WAPL: variants seen among roughly 807,000 people sequenced by gnomAD.
The protein encoded by WAPL is WAPL cohesin release factor.
WAPL carries 5 observed loss-of-function variants against 121.0 expected under a neutral mutation model. That is an observed-to-expected ratio of 0.04 (90% confidence interval 0.02 to 0.09). The LOEUF (loss-of-function observed/expected upper bound fraction) is 0.09. Ranked by LOEUF, WAPL falls within the 10% of genes least tolerant of loss-of-function variation. WAPL has a pLI of 1.00. For synonymous variants in WAPL, 480 were observed against 481.5 expected (o/e 1.00, Z 0.04); for missense variants, 999 against 1,410.8 (o/e 0.71, Z 4.68).
rs921027382 is a variant in WAPL, at chr10:86,459,127, C to T, written c.2581-62G>A. The T allele has an allele frequency of 7.8e-6, 10 of 1,290,252 alleles. No homozygotes were observed. The African/African-American group carries it at 1.2e-4, about 15-fold the overall frequency. The allele number at this position is 1,290,252 out of a possible 1,614,324, so 79.9% of individuals were successfully genotyped here. On this transcript the variant is annotated intron_variant, in intron 11 of 18. Transcript: ENST00000298767. ...AAAACTTTCATTCATTCATGTAACACCACATTCTGCCTGGTGCGTAAAAGA... is the reference window on the plus strand; with the variant it reads ...AAAACTTTCATTCATTCATGTAACATCACATTCTGCCTGGTGCGTAAAAGA...
At chr10:86,501,017 TC>T (rs1842237431) in intron 2 of WAPL, among the ~76,000 whole-genome samples, 1 of 152,176 alleles carries the variant, frequency 6.6e-6, no homozygotes. Context: ...AGCAACTGAA[TC>T]CATTCAGAAT....
Position 86,468,903 on chromosome 10 carries a change from C to T in WAPL, c.2143-1397G>A, listed in dbSNP as rs112599252. 1.6e-3 allele frequency among the ~76,000 whole-genome samples: 239 copies of T among 152,010 alleles called. 1 individual carries two copies. Among genetic ancestry groups the T allele is most frequent in the African/African-American group, 5.5e-3 (227 of 41,460 alleles). On this transcript the variant is annotated intron_variant, in intron 8 of 18. Transcript: ENST00000298767. ...ATCACCTAAGGTCGGGAGTTTGAGA[C>T]CAGCCTGGCCAACATGATGAAACCC...
At chr10:86,507,824 C>G (rs935483711) in intron 2 of WAPL, among the ~76,000 whole-genome samples, 1 of 151,858 alleles carries the variant, frequency 6.6e-6, no homozygotes, top group Non-Finnish European at 1.5e-5. Context: ...TAACCCCTTT[C>G]TCCCCTTTCT....
At position 86,500,399 on chromosome 10, in the gene WAPL, C is replaced by T. The variant is rs754963282; in HGVS notation, c.844G>A (p.Asp282Asn). 3.7e-6 allele frequency: 6 copies of T among 1,614,098 alleles called. No individual in the cohort carries two copies. Among genetic ancestry groups the T allele is most frequent in the Admixed American group, 1.7e-5 (1 of 60,002 alleles). ...LENLNEAIEEDIVQSVLRPTN... is the reference protein window; with the variant it reads ...LENLNEAIEENIVQSVLRPTN... ...GGCCTAAGAACACTTTGTACAATATCTTCCTCAATGGCTTCATTCAGATTT... is the reference window on the plus strand; with the variant it reads ...GGCCTAAGAACACTTTGTACAATATTTTCCTCAATGGCTTCATTCAGATTT... Residue 282 changes from aspartate (D) to asparagine (N), a missense_variant, in exon 3 of 19, where the codon GAT becomes AAT. Asp to Asn is a conservative substitution (Grantham distance 23). Coordinates refer to ENST00000298767, the MANE Select transcript of WAPL (RefSeq NM_015045.5).
At position 86,446,449 on chromosome 10, in the gene WAPL, G is replaced by A. The variant is rs372659135; in HGVS notation, c.3115C>T (p.Leu1039=). The A allele has an allele frequency of 2.5e-6, 4 of 1,612,792 alleles. No individual in the cohort carries two copies. The African/African-American group carries it at 4.0e-5, about 16-fold the overall frequency. ...GCTGCCCGCTCTCGCTCAAGGAATA[G>A]CTGATAAAAATTATTTTTGAAGATC... ...QVHAVQALVQ[L]FLERERAAQL... Residue 1039 remains leucine, a splice_region_variant and synonymous_variant, in exon 16 of 19, where the codon CTA becomes TTA. Transcript: ENST00000298767.
At position 86,472,361 on chromosome 10, in the gene WAPL, A is replaced by G; in HGVS notation, c.1894-17T>C. ...AGTATATAACTGCCAAGAAAAAAAA[A>G]GTTCACCCCTTTTTAACTAGGAACT... On this transcript the variant is annotated splice_polypyrimidine_tract_variant and intron_variant, in intron 6 of 18. Transcript: ENST00000298767. The surrounding 1 kb of genome is among the most constrained non-coding windows in gnomAD (Gnocchi z 4.2). 2.5e-6 allele frequency: 4 copies of G among 1,587,608 alleles called. No individual in the cohort carries two copies. The highest frequency in any genetic ancestry group is 8.5e-7 in the Non-Finnish European group (1 of 1,174,186).
intron 12 of WAPL, among the ~76,000 whole-genome samples, chr10:86,456,633 CA>C (rs1227791513): frequency 6.6e-6 from 1 of 152,170 alleles, no homozygotes; most frequent in East Asian, 1.9e-4. Context: ...CCCTTTAAAA[CA>C]TACTGAGGAA....
chr10:86,509,818 G>A (rs961211961), intron 2 of WAPL, among the ~76,000 whole-genome samples: 6 of 149,354 alleles, frequency 4.0e-5, no homozygotes, highest in African/African-American at 1.5e-4. Flanking sequence ...AGGCTGGAGT[G>A]CAATGGCATG....
At position 86,517,751 on chromosome 10, in the gene WAPL, C is replaced by T. The variant is rs754936161; in HGVS notation, c.319G>A (p.Glu107Lys). The change falls in exon 2 of 19, where the codon GAA (glutamate) becomes AAA (lysine). Residue 107 changes from glutamate to lysine, a missense_variant. Around this residue, in one of 7 missense-constraint regions of WAPL, gnomAD observed 531 missense variants for 563.1 expected, o/e 0.94. Transcript: ENST00000298767. ...GCTTCAAGTACTGAAGTGACCTCTT[C>T]CAACTGAGCAGCTTCACTAGATTCT... ...YSESSEAAQL[E>K]EVTSVLEANS... 3.4e-5 allele frequency: 55 copies of T among 1,614,050 alleles called. 2 individuals are homozygous for T. The South Asian group carries it at 4.6e-4, about 14-fold the overall frequency.
rs142195659 is a variant in WAPL at position 86,443,350 on chromosome 10, G to A, written c.3336C>T (p.Ala1112=). 5.0e-5 allele frequency: 80 copies of A among 1,613,832 alleles called. No homozygotes were observed. The highest frequency in any genetic ancestry group is 1.8e-4 in the Admixed American group (11 of 59,996). ...CAATGCAATCCTCCATGTGTTTGCC[G>A]GCATGCTGAAGGGCTGAGAGAATTG... ...ELDLNKALQH[A]GKHMEDCIVA... Residue 1112 remains alanine (A), a synonymous_variant, in exon 17 of 19, where the codon GCC becomes GCT. Coordinates refer to ENST00000298767, the MANE Select transcript of WAPL (RefSeq NM_015045.5).
At chr10:86,502,975 T>C (rs1022615210) in intron 2 of WAPL, among the ~76,000 whole-genome samples, 1 of 151,630 alleles carries the variant, frequency 6.6e-6, no homozygotes, top group Non-Finnish European at 1.5e-5. Flanking sequence ...CTGGCCAACA[T>C]GGTGAAACCC....
intron 2 of WAPL, among the ~76,000 whole-genome samples, chr10:86,511,782 T>C (rs566111954): frequency 6.6e-6 from 1 of 151,956 alleles, no homozygotes; most frequent in South Asian, 2.1e-4. Flanking sequence ...AATATAGAAA[T>C]TAGCCCAGTG....
intron 12 of WAPL, 40 bp downstream of exon 12, chr10:86,458,945 ATAAG>A: frequency 2.7e-6 from 4 of 1,486,658 alleles, no homozygotes; most frequent in Non-Finnish European, 3.7e-6. Context: ...AATGTTTAAA[ATAAG>A]TAACAATGTT....
In WAPL at chr10:86,472,601, T is replaced by C; in HGVS notation, c.1893+11A>G. ...ATCAACATGCAGTAAACACTGTATA[T>C]GGCTGCTTACTTCTTTGTCTTCTCG... is the stretch of plus-strand genomic sequence containing the variant. On this transcript the variant is annotated intron_variant, in intron 6 of 18. Coordinates refer to ENST00000298767, the MANE Select transcript of WAPL (RefSeq NM_015045.5). This position sits in a 1 kb window ranked among gnomAD's most constrained non-coding sequence, Gnocchi z 4.2. 3.7e-6 allele frequency: 6 copies of C among 1,612,888 alleles called. No homozygotes were observed. The highest frequency in any genetic ancestry group is 5.1e-6 in the Non-Finnish European group (6 of 1,179,642).
chr10:86,440,709 C>CA (rs2132162658), intron 17 of WAPL, among the ~76,000 whole-genome samples: 1 of 152,036 alleles, frequency 6.6e-6, no homozygotes, highest in African/African-American at 2.4e-5. Flanking sequence ...ATATAAAGAT[C>CA]TTGCGGGGCC....
At chr10:86,458,027 T>G (rs1040256320) in intron 12 of WAPL, among the ~76,000 whole-genome samples, 1 of 152,222 alleles carries the variant, frequency 6.6e-6, no homozygotes, top group Non-Finnish European at 1.5e-5. Context: ...TATTTATATT[T>G]GAATTCCTCC....
intron 1 of WAPL, among the ~76,000 whole-genome samples, chr10:86,519,874 T>C (rs1460817709): frequency 6.6e-6 from 1 of 152,234 alleles, no homozygotes; most frequent in Non-Finnish European, 1.5e-5. Flanking sequence ...AGACTTGAGT[T>C]CCTTTATGCC....
chr10:86,454,532 C>G (rs1056429770), intron 12 of WAPL, among the ~76,000 whole-genome samples: 3 of 152,232 alleles, frequency 2.0e-5, no homozygotes, highest in Non-Finnish European at 4.4e-5. Flanking sequence ...CGGGCGCCGC[C>G]ACACCTGACT....
chr10:86,440,856 A>G (rs1255461188), intron 17 of WAPL, among the ~76,000 whole-genome samples: 2 of 146,090 alleles, frequency 1.4e-5, no homozygotes, highest in Admixed American at 6.9e-5. Flanking sequence ...ATTCAGAAAA[A>G]CACACAGGAC....
Sources: gnomAD v4.1 joint callset for allele counts (sites outside exome capture counted in the v4.1 genomes callset) on GRCh38, gnomAD v4.1.1 for gene constraint, gnomAD v4.1.1 regional missense constraint, Gnocchi (gnomAD v3.1) non-coding constraint, MANE v1.5 for transcripts, NCBI Gene and HGNC (gene_info 2026-07-23, HGNC 2026-07-21) for gene names.